PLXNA1: variants seen among roughly 807,000 people sequenced by gnomAD.
PLXNA1 encodes the protein plexin-A1.
In PLXNA1, 77 loss-of-function variants were observed where a neutral mutation model predicts 191.7. The observed-to-expected ratio is 0.40, with a 90% CI of 0.33 to 0.49. The LOEUF (loss-of-function observed/expected upper bound fraction) is 0.49. PLXNA1 is among the 20% of genes least tolerant of loss of function. PLXNA1 has a pLI of 0.63. For missense variants in PLXNA1, 2,110 were observed against 2,660.2 expected (o/e 0.79, Z 4.55); for synonymous variants, 1,137 against 1,156.4 (o/e 0.98, Z 0.34).
At position 127,006,087 on chromosome 3, in the gene PLXNA1, C is replaced by T. The variant is rs369477952; in HGVS notation, c.1906C>T (p.Arg636Trp). ...APITRGQGDQ[R>W]VVKLYLKSKE... ...CCATGCTGCTCGTGCAGGAGACCAG[C>T]GGGTGGTGAAACTCTACCTAAAGTC... The change falls in exon 8 of 32, where the codon CGG (arginine) becomes TGG (tryptophan). Residue 636 changes from arginine to tryptophan, a missense_variant. Around this residue, in one of 4 missense-constraint regions of PLXNA1, gnomAD observed 903 missense variants for 1,015.7 expected, o/e 0.89. Coordinates refer to ENST00000393409, the MANE Select transcript of PLXNA1 (RefSeq NM_032242.4). 2.5e-5 allele frequency: 41 copies of T among 1,613,350 alleles called. No individual in the cohort carries two copies. In the East Asian group the frequency reaches 3.1e-4, roughly 12 times the overall value.
chr3:127,000,008 C>T (rs1434743399), intron 3 of PLXNA1, among the ~76,000 whole-genome samples: 4 of 152,024 alleles, frequency 2.6e-5, no homozygotes, highest in Non-Finnish European at 4.4e-5. Context: ...GTTCCGCCAG[C>T]CAGGGGTGGG....
chr3:127,022,231 G>A lies in PLXNA1; in HGVS notation c.4185G>A (p.Thr1395=), dbSNP rs1021917643. The part of the protein sequence containing the change: ...DRGNVASLIM[T]ALQGEMEYAT... ...GGAATGTGGCCTCGCTCATCATGAC[G>A]GCCCTGCAGGGCGAGATGGAATACG... is the stretch of plus-strand genomic sequence containing the variant. The change falls in exon 22 of 32, where the codon ACG becomes ACA. Residue 1395 remains threonine, a synonymous_variant. Coordinates refer to ENST00000393409, the MANE Select transcript of PLXNA1 (RefSeq NM_032242.4). 2 of 1,613,420 alleles carry A rather than the reference G, an allele frequency of 1.2e-6. No individual in the cohort carries two copies. The highest frequency in any genetic ancestry group is 2.2e-5 in the East Asian group (1 of 44,878).
chr3:127,009,795 A>T (rs1470321848), intron 9 of PLXNA1, among the ~76,000 whole-genome samples: 1 of 152,000 alleles, frequency 6.6e-6, no homozygotes, highest in African/African-American at 2.4e-5. Flanking sequence ...GTGCATGTTG[A>T]TGGGAAGGGC....
rs2107627599 is a variant in PLXNA1, at chr3:127,005,363, A to G, written c.1897+120A>G. 3.9e-6 allele frequency: 5 copies of G among 1,269,600 alleles called. No individual in the cohort carries two copies. The East Asian group carries it at 7.7e-5, about 19-fold the overall frequency. The allele number at this position is 1,269,600 out of a possible 1,614,324, so 78.6% of individuals were successfully genotyped here. ...AAGGGCATGTTGGTGACACTCTGAC[A>G]GCTGATATGGGTGGGGGTCTCACCA... On this transcript the variant is annotated intron_variant, in intron 7 of 31. Coordinates refer to ENST00000393409, the MANE Select transcript of PLXNA1 (RefSeq NM_032242.4).
At chr3:127,029,308 T>C (rs6789728) in intron 26 of PLXNA1, 132 bp from the exon 27 acceptor site, 904,305 of 906,556 alleles carry the variant, frequency 1, 451,060 homozygotes, top group East Asian at 1. Flanking sequence ...GATATAGAGT[T>C]CCAGACTGAG....
In PLXNA1 at chr3:127,006,167, C is replaced by G. The variant is rs373169511; in HGVS notation, c.1986C>G (p.Ser662Arg). The G allele has an allele frequency of 1.2e-6, 2 of 1,613,012 alleles. No individual in the cohort carries two copies. Among genetic ancestry groups the G allele is most frequent in the African/African-American group, 1.3e-5 (1 of 74,918 alleles). Residue 662 changes from serine to arginine, a missense_variant, in exon 8 of 32, where the codon AGC becomes AGG. Ser to Arg is a moderately radical substitution (Grantham distance 110, BLOSUM62 -1). Coordinates refer to ENST00000393409, the MANE Select transcript of PLXNA1 (RefSeq NM_032242.4). ...TGGACTTCGTCTTCTACAACTGCAG[C>G]GTCCACCAGTCGTGAGTGTCTCTAG... ...ASVDFVFYNC[S>R]VHQSCLSCVN...
intron 14 of PLXNA1, 66 bp from the exon 15 acceptor site, chr3:127,015,118 G>C (rs2079116345): frequency 1.3e-6 from 2 of 1,560,664 alleles, no homozygotes; most frequent in Admixed American, 1.8e-5. Flanking sequence ...GGCCAAGTGG[G>C]GCCTGTCCCC....
chr3:127,014,818 G>A lies in PLXNA1; in HGVS notation c.2864G>A (p.Arg955His), dbSNP rs1313568910. The change falls in exon 14 of 32, where the codon CGC becomes CAC. Residue 955 changes from arginine (R) to histidine (H), a missense_variant. Physicochemically the swap from Arg to His is conservative, Grantham distance 29. This residue lies in a region of PLXNA1 where 644 missense variants were observed against 714.3 expected (regional missense o/e 0.90). Transcript: ENST00000393409. ...CACTACCGCGCCCTGTCACCCAAGC[G>A]CTTCACCTTCGTGGTGAGTCTGCTG... ...SPHYRALSPKRFTFVTPTFYR... is the reference protein window; with the variant it reads ...SPHYRALSPKHFTFVTPTFYR... 5.6e-6 allele frequency: 9 copies of A among 1,612,272 alleles called. No individual in the cohort carries two copies. In the Admixed American group the frequency reaches 8.3e-5, roughly 15 times the overall value.
chr3:126,992,727 C>T (rs1367073986), intron 3 of PLXNA1, among the ~76,000 whole-genome samples: 1 of 152,084 alleles, frequency 6.6e-6, no homozygotes, highest in Admixed American at 6.5e-5. Flanking sequence ...GCTGGTTCTG[C>T]TCATAGTGGC....
Position 127,033,793 on chromosome 3 carries a change from C to G in PLXNA1, c.5596-129C>G, listed in dbSNP as rs1157054124. The G allele has an allele frequency of 8.2e-6, 6 of 733,958 alleles. No individual in the cohort carries two copies. In the South Asian group the frequency reaches 1.1e-4, roughly 13 times the overall value. The allele number at this position is 733,958 out of a possible 1,614,324, so 45.5% of individuals were successfully genotyped here. A position where few individuals can be genotyped will look rare whatever the true frequency, so the allele number is the denominator to read the frequency against. ...GGTCCTGGAGGGTCCAGGCTCACAA[C>G]CAAGGTCCTTTGGCCAGGGGTAGAT... On this transcript the variant is annotated intron_variant, in intron 31 of 31. Transcript: ENST00000393409.
chr3:126,989,938 C>A, intron 2 of PLXNA1, 151 bp downstream of exon 2: 1 of 684,454 alleles, frequency 1.5e-6, no homozygotes. Flanking sequence ...GTGGGGCTGC[C>A]CTTTTCCATC....
intron 3 of PLXNA1, among the ~76,000 whole-genome samples, chr3:126,996,215 C>A (rs1055416501): frequency 1.1e-4 from 17 of 152,224 alleles, no homozygotes; most frequent in Non-Finnish European, 5.9e-5. Context: ...CCTCTGGAGC[C>A]CTGCGCAGCG....
At chr3:126,984,556 C>G (rs1470976336) in intron 1 of PLXNA1, among the ~76,000 whole-genome samples, 1 of 152,230 alleles carries the variant, frequency 6.6e-6, no homozygotes, top group East Asian at 1.9e-4. Context: ...TGAGGAGCAC[C>G]CAGCCCCCTG....
At position 126,991,546 on chromosome 3, in the gene PLXNA1, C is replaced by G; in HGVS notation, c.1357C>G (p.Arg453Gly). The change falls in exon 3 of 32, where the codon CGA (arginine) becomes GGA (glycine). Residue 453 changes from arginine (R) to glycine (G), a missense_variant. Arg to Gly is a moderately radical substitution (Grantham distance 125). Around this residue, in one of 4 missense-constraint regions of PLXNA1, gnomAD observed 903 missense variants for 1,015.7 expected, o/e 0.89. Transcript: ENST00000393409. Reference sequence around the variant, plus strand: ...CCGCACTGTGGTATTCGCCGGCACGCGAAGTGGCCGCATCCGCAAGGTCAG... The same window carrying G: ...CCGCACTGTGGTATTCGCCGGCACGGGAAGTGGCCGCATCCGCAAGGTCAG... ...RGRTVVFAGT[R>G]SGRIRKILVD... 3 of 1,582,692 alleles carry G rather than the reference C, an allele frequency of 1.9e-6. No homozygotes were observed. Among genetic ancestry groups the G allele is most frequent in the South Asian group, 1.1e-5 (1 of 87,870 alleles).
intron 31 of PLXNA1, among the ~76,000 whole-genome samples, chr3:127,033,414 G>T (rs946284711): frequency 6.6e-6 from 1 of 152,202 alleles, no homozygotes; most frequent in Non-Finnish European, 1.5e-5. Context: ...CCCTGGGGAG[G>T]CCAGGGCAGG....
At chr3:127,022,371 A>G in intron 22 of PLXNA1, 30 bp downstream of exon 22, 3 of 1,596,706 alleles carry the variant, frequency 1.9e-6, no homozygotes, top group Admixed American at 1.7e-5. Flanking sequence ...GGGTTGGGGG[A>G]GGCAGGCCCA....
At chr3:127,018,597 C>T in intron 20 of PLXNA1, 69 bp downstream of exon 20, 9 of 1,204,666 alleles carry the variant, frequency 7.5e-6, no homozygotes, top group Non-Finnish European at 1.1e-5. Flanking sequence ...GTCCCCACAC[C>T]TACTTCCCAC....
Position 126,988,712 on chromosome 3 carries a change from C to G in PLXNA1, c.119C>G (p.Pro40Arg), listed in dbSNP as rs528513486. The G allele has an allele frequency of 5.5e-5, 87 of 1,573,572 alleles. No individual in the cohort carries two copies. In the East Asian group the frequency reaches 1.6e-3, roughly 28 times the overall value. ...AGGGCAGGCGGGGGTTCACAGCCCCCCTTCCGCACCTTCTCGGCCAGCGAC... is the reference window on the plus strand; with the variant it reads ...AGGGCAGGCGGGGGTTCACAGCCCCGCTTCCGCACCTTCTCGGCCAGCGAC... The part of the protein sequence containing the change: ...LPRAGGGSQP[P>R]FRTFSASDWG... The change falls in exon 2 of 32, where the codon CCC (proline) becomes CGC (arginine). Residue 40 changes from proline (P) to arginine (R), a missense_variant. By Grantham distance (103) the Pro-to-Arg change is moderately radical. Transcript: ENST00000393409.
intron 1 of PLXNA1, among the ~76,000 whole-genome samples, chr3:126,983,619 C>T (rs1469894859): frequency 2.0e-5 from 3 of 148,294 alleles, no homozygotes; most frequent in African/African-American, 4.9e-5. Context: ...TCCCCCGCCC[C>T]CCGGCCGGGC....
Sources: allele counts gnomAD v4.1 joint callset (sites outside exome capture counted in the v4.1 genomes callset), GRCh38; gene constraint gnomAD v4.1.1; regional missense constraint gnomAD v4.1.1; transcripts MANE v1.5; gene names NCBI Gene and HGNC (gene_info 2026-07-23, HGNC 2026-07-21).